The following ERBIN variants were observed in gnomAD, a reference collection of about 807,000 sequenced individuals.
ERBIN encodes erbb2 interacting protein.
ERBIN carries 60 observed loss-of-function variants against 158.4 expected under a neutral mutation model. The ratio of observed to expected loss-of-function variants is 0.38; its 90% CI spans 0.31 to 0.47. The LOEUF is 0.47. Among genes scored for constraint, ERBIN ranks in the 20% least tolerant of loss-of-function variants. The pLI is 0.99. For missense variants in ERBIN, 1,610 were observed against 1,648.0 expected (o/e 0.98, Z 0.40); for synonymous variants, 594 against 557.2 (o/e 1.07, Z -0.93).
intron 4 of ERBIN, among the ~76,000 whole-genome samples, chr5:66,004,407 T>G (rs1191751810): frequency 6.6e-6 from 1 of 152,186 alleles, no homozygotes; most frequent in Non-Finnish European, 1.5e-5. Flanking sequence ...CGTGCGTGTG[T>G]GTATGTGTGA....
At chr5:66,021,970 A>AT (rs371839167) in intron 8 of ERBIN, among the ~76,000 whole-genome samples, 2,897 of 146,046 alleles carry the variant, frequency 0.02, 51 homozygotes, top group Middle Eastern at 0.074. Context: ...AATAAGCTAG[A>AT]TTTTTTTTTT....
Position 66,021,277 on chromosome 5 carries a change from A to G in ERBIN, c.534-45A>G, listed in dbSNP as rs144377117. The G allele has an allele frequency of 2.8e-4, 353 of 1,260,914 alleles. 4 individuals carry two copies. In the East Asian group the frequency reaches 7.2e-3, roughly 26 times the overall value. 78.1% of individuals were successfully genotyped at this position (1,260,914 alleles called of 1,614,324 possible). On this transcript the variant is annotated intron_variant, in intron 7 of 25. Transcript: ENST00000284037. ...AGACTGTTTTGAAAGCTTCCATGTA[A>G]TTGATATTTTTCTAGTTAATTTTTC...
At chr5:66,069,011 C>T (rs1450224657) in intron 21 of ERBIN, 9 of 1,532,542 alleles carry the variant, frequency 5.9e-6, no homozygotes, top group Non-Finnish European at 5.2e-6. Flanking sequence ...CTGGTGGGCA[C>T]ATTTTTCGAG....
chr5:65,931,484 T>C (rs964688411), intron 1 of ERBIN, among the ~76,000 whole-genome samples: 2 of 152,240 alleles, frequency 1.3e-5, no homozygotes, highest in Non-Finnish European at 2.9e-5. Flanking sequence ...GAAATAGTAA[T>C]AGTCCTAAGG....
At chr5:65,955,850 A>C (rs1032998867) in intron 1 of ERBIN, among the ~76,000 whole-genome samples, 2 of 152,238 alleles carry the variant, frequency 1.3e-5, no homozygotes, top group Non-Finnish European at 2.9e-5. Context: ...ATAATTTGTA[A>C]GTTTGAAATT....
At chr5:66,020,361 C>G (rs1561384162) in intron 7 of ERBIN, among the ~76,000 whole-genome samples, 1 of 151,848 alleles carries the variant, frequency 6.6e-6, no homozygotes, top group Non-Finnish European at 1.5e-5. Context: ...TAGAAATAGT[C>G]TGTGTTTTTC....
intron 21 of ERBIN, among the ~76,000 whole-genome samples, chr5:66,064,484 G>T (rs78941016): frequency 0.02 from 3,019 of 152,220 alleles, 107 homozygotes; most frequent in African/African-American, 0.069. Context: ...GGAAATTTAG[G>T]CACAGAAGAG....
At chr5:65,942,331 G>C (rs1260826633) in intron 1 of ERBIN, among the ~76,000 whole-genome samples, 1 of 152,154 alleles carries the variant, frequency 6.6e-6, no homozygotes, top group Non-Finnish European at 1.5e-5. Context: ...TCCTAGGTAT[G>C]TTCTGAAGAA....
intron 21 of ERBIN, among the ~76,000 whole-genome samples, chr5:66,057,071 A>AT (rs1759663635): frequency 1.3e-5 from 2 of 152,214 alleles, no homozygotes; most frequent in Non-Finnish European, 2.9e-5. Context: ...CATGTTTTAT[A>AT]AACCACATTT....
chr5:66,030,380 T>TTA (rs1756739087), intron 14 of ERBIN, among the ~76,000 whole-genome samples: 1 of 152,040 alleles, frequency 6.6e-6, no homozygotes, highest in Non-Finnish European at 1.5e-5. Flanking sequence ...ACCGTATCTG[T>TTA]TATATGTGGA....
chr5:66,018,567 T>A lies in ERBIN; in HGVS notation c.534-2755T>A, dbSNP rs1316714016. Among the ~76,000 whole-genome samples, 10 of 9,920 alleles carry A rather than the reference T, an allele frequency of 1.0e-3. 3 individuals are homozygous for A. The highest frequency in any genetic ancestry group is 1.6e-3 in the East Asian group (1 of 628). 6.5% of individuals were successfully genotyped at this position (9,920 alleles called of 152,430 possible). The stretch of plus-strand genomic sequence containing the variant: ...TATATTATATATTATATAATATATA[T>A]TATATTATATAATATATATTATATA... On this transcript the variant is annotated intron_variant, in intron 7 of 25. Coordinates refer to ENST00000284037, the MANE Select transcript of ERBIN (RefSeq NM_001253697.2).
chr5:66,059,551 C>A (rs1760018012), intron 21 of ERBIN, among the ~76,000 whole-genome samples: 3 of 152,172 alleles, frequency 2.0e-5, no homozygotes, highest in Admixed American at 1.3e-4. Flanking sequence ...CCTGATTACC[C>A]TGGCCAGAAT....
At chr5:65,990,889 T>C (rs1264411926) in intron 2 of ERBIN, among the ~76,000 whole-genome samples, 2 of 151,794 alleles carry the variant, frequency 1.3e-5, no homozygotes, top group East Asian at 3.9e-4. Flanking sequence ...GCCTCCCAAG[T>C]ACCTGGGATT....
chr5:66,048,771 T>C lies in ERBIN; in HGVS notation c.1893T>C (p.Asn631=). The C allele has an allele frequency of 6.3e-7, 1 of 1,584,656 alleles. No homozygotes were observed. The highest frequency in any genetic ancestry group is 8.6e-7 in the Non-Finnish European group (1 of 1,166,994). ...AGCCAAAAGTCGTAGCACTTAGTAATAACAAAAAAGGTTAGATGTTAAAGG... is the reference window on the plus strand; with the variant it reads ...AGCCAAAAGTCGTAGCACTTAGTAACAACAAAAAAGGTTAGATGTTAAAGG... The part of the protein sequence containing the change: ...INQPKVVALS[N]NKKDDTKETD... Residue 631 remains asparagine (N), a synonymous_variant, in exon 19 of 26, where the codon AAT becomes AAC. Transcript: ENST00000284037.
chr5:65,975,891 T>C (rs947455407), intron 1 of ERBIN, among the ~76,000 whole-genome samples: 9 of 152,244 alleles, frequency 5.9e-5, no homozygotes, highest in African/African-American at 2.2e-4. Flanking sequence ...TAGAGTATTT[T>C]AGCCTGTTTC....
chr5:66,007,452 C>T (rs889625402), intron 4 of ERBIN, among the ~76,000 whole-genome samples: 4 of 151,232 alleles, frequency 2.6e-5, no homozygotes, highest in African/African-American at 4.9e-5. Flanking sequence ...TGTTAAATGA[C>T]GAGTTAATGG....
At chr5:66,003,498 T>C (rs1753216313) in intron 4 of ERBIN, among the ~76,000 whole-genome samples, 1 of 152,184 alleles carries the variant, frequency 6.6e-6, no homozygotes, top group Non-Finnish European at 1.5e-5. Flanking sequence ...GAGAAGTTGA[T>C]TAGAGTAGAA....
intron 20 of ERBIN, among the ~76,000 whole-genome samples, chr5:66,052,527 G>A (rs1016311440): frequency 5.3e-4 from 81 of 152,070 alleles, no homozygotes; most frequent in African/African-American, 1.7e-3. Flanking sequence ...TTGGGAAAGC[G>A]GTATGATATT....
chr5:66,066,154 A>T (rs2151284133), intron 21 of ERBIN, among the ~76,000 whole-genome samples: 1 of 152,276 alleles, frequency 6.6e-6, no homozygotes, highest in South Asian at 2.1e-4. Flanking sequence ...CTTATTCATT[A>T]GATGGTGTAA....
Sources: allele counts gnomAD v4.1 joint callset (sites outside exome capture counted in the v4.1 genomes callset), GRCh38; gene constraint gnomAD v4.1.1; transcripts MANE v1.5; gene names NCBI Gene and HGNC (gene_info 2026-07-23, HGNC 2026-07-21).